Variants in SEPTIN10 observed in about 807,000 individuals in gnomAD.
The protein encoded by SEPTIN10 is septin-10.
A neutral mutation model predicts 54.8 loss-of-function variants in SEPTIN10; 66 were observed. That is an observed-to-expected ratio of 1.21 (90% CI 0.99 to 1.48). The LOEUF is 1.48. Among genes scored for constraint, SEPTIN10 ranks in the 40% most tolerant of loss-of-function variants. SEPTIN10 has a pLI of 0.00. For synonymous variants in SEPTIN10, 161 were observed against 181.0 expected, an observed-to-expected ratio of 0.89 and a Z score of 0.89; for missense variants, 620 against 545.6, an observed-to-expected ratio of 1.14 and a Z score of -1.36.
intron 1 of SEPTIN10, among the ~76,000 whole-genome samples, chr2:109,602,544 G>A (rs992991719): frequency 5.9e-5 from 9 of 151,950 alleles, no homozygotes; most frequent in Non-Finnish European, 1.0e-4. Flanking sequence ...GTGTGGTGGC[G>A]CATGCCTATA....
At chr2:109,588,770 C>G (rs986456104) in intron 2 of SEPTIN10, among the ~76,000 whole-genome samples, 1 of 148,734 alleles carries the variant, frequency 6.7e-6, no homozygotes. Context: ...GGATTACAGG[C>G]GTGAGCCACC....
At chr2:109,599,848 G>A (rs1164780873) in intron 1 of SEPTIN10, among the ~76,000 whole-genome samples, 1 of 152,078 alleles carries the variant, frequency 6.6e-6, no homozygotes, top group Non-Finnish European at 1.5e-5. Context: ...ATTTATTATA[G>A]AAAAAATATC....
intron 4 of SEPTIN10, among the ~76,000 whole-genome samples, chr2:109,575,881 T>C (rs536706204): frequency 6.6e-6 from 1 of 152,190 alleles, no homozygotes; most frequent in Non-Finnish European, 1.5e-5. Flanking sequence ...TTTAAAATTA[T>C]AGAATACACA....
intron 8 of SEPTIN10, among the ~76,000 whole-genome samples, chr2:109,559,917 T>C (rs1172702587): frequency 6.7e-6 from 1 of 148,862 alleles, no homozygotes; most frequent in African/African-American, 2.5e-5. Flanking sequence ...ATGCCTTTTT[T>C]TTTTTTTTTT....
chr2:109,607,942 A>G (rs1698377718), intron 1 of SEPTIN10, among the ~76,000 whole-genome samples: 1 of 152,064 alleles, frequency 6.6e-6, no homozygotes, highest in Non-Finnish European at 1.5e-5. Flanking sequence ...TGCAAATGGG[A>G]AAAAAAACTG....
chr2:109,558,248 G>C (rs1215827772), intron 8 of SEPTIN10, among the ~76,000 whole-genome samples: 1 of 152,202 alleles, frequency 6.6e-6, no homozygotes, highest in Non-Finnish European at 1.5e-5. Flanking sequence ...TTCAAGTACA[G>C]TTCCGATAAG....
chr2:109,580,505 A>G (rs918562282), intron 4 of SEPTIN10, among the ~76,000 whole-genome samples: 2 of 152,188 alleles, frequency 1.3e-5, no homozygotes, highest in South Asian at 4.1e-4. Context: ...AGCATGGTAC[A>G]TGGTAAAAAA....
rs1050688813 is a variant in SEPTIN10 at position 109,543,636 on chromosome 2, C to T, written c.*673G>A. ...TTGGAATATAAATGTAATCAGATAG[C>T]CACGATATTAATGGGTTCTGTATTT... is the stretch of plus-strand genomic sequence containing the variant. On this transcript the variant is annotated 3_prime_UTR_variant, in exon 11 of 11. Coordinates refer to ENST00000397712, the MANE Select transcript of SEPTIN10 (RefSeq NM_144710.5). 1.3e-5 allele frequency: 2 copies of T among 152,338 alleles called. No homozygotes were observed. The highest frequency in any genetic ancestry group is 4.8e-5 in the African/African-American group (2 of 41,548). The allele number at this position is 152,338 out of a possible 1,614,324, so 9.4% of individuals were successfully genotyped here.
At chr2:109,549,442 C>T (rs953935611) in intron 9 of SEPTIN10, among the ~76,000 whole-genome samples, 4 of 152,226 alleles carry the variant, frequency 2.6e-5, no homozygotes, top group Non-Finnish European at 4.4e-5. Context: ...GTGAATGTGA[C>T]TGTTATTCAC....
chr2:109,560,352 CTT>C (rs1558736240), intron 8 of SEPTIN10, among the ~76,000 whole-genome samples: 2 of 152,170 alleles, frequency 1.3e-5, no homozygotes, highest in African/African-American at 4.8e-5. Flanking sequence ...CTCCCTCTCT[CTT>C]GATCCCCTCT....
At position 109,549,869 on chromosome 2, in the gene SEPTIN10, A is replaced by G. The variant is rs554478672; in HGVS notation, c.1161+3218T>C. 1.3e-3 allele frequency among the ~76,000 whole-genome samples: 203 copies of G among 152,294 alleles called. 1 individual carries two copies. The highest frequency in any genetic ancestry group is 1.5e-4 in the Non-Finnish European group (10 of 68,036). On this transcript the variant is annotated intron_variant, in intron 9 of 10. Coordinates refer to ENST00000397712, the MANE Select transcript of SEPTIN10 (RefSeq NM_144710.5). ...TGTGAATGTGGTCTCTTTCTCTCTC[A>G]AAATATCTTATTGTAGTATTTTCAG...
intron 9 of SEPTIN10, among the ~76,000 whole-genome samples, chr2:109,549,607 T>C (rs560183454): frequency 6.6e-6 from 1 of 152,304 alleles, no homozygotes; most frequent in East Asian, 1.9e-4. Context: ...GTGCTATCAA[T>C]AGTCACCAAT....
chr2:109,574,776 T>G lies in SEPTIN10; in HGVS notation c.414-9A>C. The G allele has an allele frequency of 6.4e-7, 1 of 1,558,718 alleles. No individual in the cohort carries two copies. ...CAACTATTGGTTGGTAGCTGAAAAA[T>G]TATTTAAATGTTTAATACAACATTA... On this transcript the variant is annotated splice_polypyrimidine_tract_variant and intron_variant, in intron 4 of 10. Coordinates refer to ENST00000397712, the MANE Select transcript of SEPTIN10 (RefSeq NM_144710.5).
intron 5 of SEPTIN10, among the ~76,000 whole-genome samples, chr2:109,572,119 T>C (rs905675821): frequency 6.6e-6 from 1 of 152,222 alleles, no homozygotes; most frequent in African/African-American, 2.4e-5. Context: ...GAGCTCTCTC[T>C]AGCTCCCCAC....
At chr2:109,561,202 G>A (rs1422899743) in intron 8 of SEPTIN10, among the ~76,000 whole-genome samples, 2 of 151,950 alleles carry the variant, frequency 1.3e-5, no homozygotes, top group East Asian at 3.9e-4. Context: ...ATCTTCTTCC[G>A]GAGTCTTACA....
chr2:109,610,716 C>CA (rs1218345454), intron 1 of SEPTIN10, among the ~76,000 whole-genome samples: 8 of 147,952 alleles, frequency 5.4e-5, no homozygotes, highest in South Asian at 2.1e-4. Context: ...ATTCCGTCTT[C>CA]AAAAAAAAAG....
At chr2:109,609,685 T>C (rs1573899865) in intron 1 of SEPTIN10, among the ~76,000 whole-genome samples, 2 of 146,866 alleles carry the variant, frequency 1.4e-5, no homozygotes, top group African/African-American at 5.0e-5. Context: ...GTAAAACAAA[T>C]GAGAAGCCTC....
At chr2:109,603,755 T>G (rs1697217390) in intron 1 of SEPTIN10, among the ~76,000 whole-genome samples, 1 of 151,936 alleles carries the variant, frequency 6.6e-6, no homozygotes, top group Non-Finnish European at 1.5e-5. Flanking sequence ...AGCAGAGACT[T>G]GATGAAGAAA....
At position 109,567,762 on chromosome 2, in the gene SEPTIN10, TAC is replaced by T. The variant is rs1687369833; in HGVS notation, c.762+51_762+52del. ...ATTAGCAGCAATATTACTCACAAAT[TAC>T]AGTTTTATTTTCACATGGAAAACAG... On this transcript the variant is annotated intron_variant, in intron 6 of 10. Transcript: ENST00000397712. The T allele has an allele frequency of 1.3e-5, 19 of 1,495,622 alleles. No homozygotes were observed. The South Asian group carries it at 2.2e-4, about 17-fold the overall frequency. 92.6% of individuals were successfully genotyped at this position (1,495,622 alleles called of 1,614,324 possible).
Sources: allele counts gnomAD v4.1 joint callset (sites outside exome capture counted in the v4.1 genomes callset), GRCh38; gene constraint gnomAD v4.1.1; transcripts MANE v1.5; gene names NCBI Gene and HGNC (gene_info 2026-07-23, HGNC 2026-07-21).